PRR16: variants seen among roughly 807,000 people sequenced by gnomAD.
PRR16 encodes proline rich 16, also known as protein Largen.
In PRR16, 6 loss-of-function variants were observed where a neutral mutation model predicts 18.2. The observed-to-expected ratio is 0.33, with a 90% confidence interval of 0.18 to 0.65. The LOEUF (loss-of-function observed/expected upper bound fraction) is 0.65, where lower values mean the gene tolerates loss of function less well. PRR16 is among the 30% of genes least tolerant of loss of function. The probability of loss-of-function intolerance (pLI) is 0.74; values close to 1 mark genes in which losing one functional copy is unlikely to be tolerated. For missense variants in PRR16, 412 were observed against 376.6 expected (o/e 1.09, Z -0.78); for synonymous variants, 151 against 147.8 (o/e 1.02, Z -0.16).
the PRR16 span, among the ~76,000 whole-genome samples, chr5:120,694,647 T>G: frequency 6.8e-6 from 1 of 146,466 alleles, no homozygotes; most frequent in African/African-American, 2.5e-5. Context: ...ATTGCGCCAC[T>G]GCACTCCAGC....
chr5:120,618,296 TTGAA>T, intron 1 of PRR16: 1 of 181,568 alleles, frequency 5.5e-6, no homozygotes, highest in Middle Eastern at 2.7e-3. Flanking sequence ...AACACTCTAT[TTGAA>T]TGAATTCTCA....
chr5:120,754,884 G>A, the PRR16 span, among the ~76,000 whole-genome samples: 1 of 151,182 alleles, frequency 6.6e-6, no homozygotes, highest in East Asian at 1.9e-4. Context: ...GAGGTATAAG[G>A]AGAGTGAAAA....
intron 1 of PRR16, among the ~76,000 whole-genome samples, chr5:120,593,383 A>G (rs992807594): frequency 2.0e-5 from 3 of 152,070 alleles, no homozygotes; most frequent in Non-Finnish European, 4.4e-5. Context: ...CTCTATGTAC[A>G]CAAATTAGAA....
chr5:120,652,771 C>T (rs895188882), intron 1 of PRR16, among the ~76,000 whole-genome samples: 2 of 151,860 alleles, frequency 1.3e-5, no homozygotes, highest in Non-Finnish European at 2.9e-5. Flanking sequence ...TAGGTGAAGA[C>T]TGAGGCCATC....
At chr5:120,492,571 T>A (rs546460005) in intron 1 of PRR16, among the ~76,000 whole-genome samples, 1 of 152,306 alleles carries the variant, frequency 6.6e-6, no homozygotes, top group African/African-American at 2.4e-5. Context: ...TATGTTTTAC[T>A]TTTTAAAATT....
chr5:120,664,070 G>A (rs1255778982), intron 1 of PRR16, among the ~76,000 whole-genome samples: 5 of 151,990 alleles, frequency 3.3e-5, no homozygotes, highest in South Asian at 2.1e-4. Flanking sequence ...AGGCCGAGGC[G>A]GGCAGATCAC....
rs1757118977 is a variant in PRR16 at position 120,686,275 on chromosome 5, G to A, written c.481G>A (p.Gly161Ser). The A allele has an allele frequency of 5.0e-6, 8 of 1,614,096 alleles. No homozygotes were observed. Among genetic ancestry groups the A allele is most frequent in the Non-Finnish European group, 6.8e-6 (8 of 1,180,034 alleles). Reference protein sequence around the residue: ...GTLLRNGGLPGGPNKIPNGDI... With the variant: ...GTLLRNGGLPSGPNKIPNGDI... ...CCTTCTACGAAATGGAGGCTTACCA[G>A]GTGGACCTAACAAAATTCCAAATGG... is the stretch of plus-strand genomic sequence containing the variant. Residue 161 changes from glycine to serine, a missense_variant, in exon 2 of 2, where the codon GGT (glycine) becomes AGT (serine). Transcript: ENST00000407149.
intron 1 of PRR16, among the ~76,000 whole-genome samples, chr5:120,508,127 T>G (rs1370392394): frequency 1.3e-5 from 2 of 152,150 alleles, no homozygotes; most frequent in African/African-American, 4.8e-5. Flanking sequence ...CAGACTCAGC[T>G]GCACATACCT....
At chr5:120,792,900 C>T in the PRR16 span, among the ~76,000 whole-genome samples, 4 of 150,510 alleles carry the variant, frequency 2.7e-5, no homozygotes, top group South Asian at 2.1e-4. Context: ...GCCTGTTAAT[C>T]CAGAACTTCG....
chr5:120,474,311 T>C (rs1749367481), intron 1 of PRR16, among the ~76,000 whole-genome samples: 1 of 152,090 alleles, frequency 6.6e-6, no homozygotes, highest in Non-Finnish European at 1.5e-5. Flanking sequence ...GTCCTGTGCA[T>C]TGTAGGATGG....
chr5:120,731,136 T>A, the PRR16 span, among the ~76,000 whole-genome samples: 1 of 152,146 alleles, frequency 6.6e-6, no homozygotes, highest in Non-Finnish European at 1.5e-5. Context: ...TGTCAACAGA[T>A]CTCAGAATCT....
At chr5:120,664,742 A>T (rs1030539774) in intron 1 of PRR16, among the ~76,000 whole-genome samples, 5 of 148,832 alleles carry the variant, frequency 3.4e-5, no homozygotes, top group African/African-American at 1.2e-4. Flanking sequence ...TTTACTGAGA[A>T]TGATGATTTC....
the PRR16 span, among the ~76,000 whole-genome samples, chr5:120,706,863 AG>A: frequency 2.0e-5 from 3 of 152,158 alleles, no homozygotes; most frequent in Non-Finnish European, 4.4e-5. Context: ...TGTGGGAAGG[AG>A]GTTGGTCAAT....
At chr5:120,492,036 C>T (rs931064053) in intron 1 of PRR16, among the ~76,000 whole-genome samples, 8 of 151,272 alleles carry the variant, frequency 5.3e-5, no homozygotes, top group African/African-American at 1.9e-4. Context: ...AGGGTTTGTA[C>T]ATTATAGTGT....
At chr5:120,486,067 G>C (rs1227085043) in intron 1 of PRR16, among the ~76,000 whole-genome samples, 2 of 152,040 alleles carry the variant, frequency 1.3e-5, no homozygotes, top group Non-Finnish European at 2.9e-5. Context: ...CATTTGGGTT[G>C]GTTCCAAGTC....
intron 1 of PRR16, among the ~76,000 whole-genome samples, chr5:120,590,064 G>A (rs1445341963): frequency 1.3e-5 from 2 of 151,934 alleles, no homozygotes; most frequent in Non-Finnish European, 2.9e-5. Context: ...TAGGTTTTTT[G>A]TTTCATTTAC....
intron 1 of PRR16, among the ~76,000 whole-genome samples, chr5:120,602,539 A>G (rs1056508697): frequency 6.6e-6 from 1 of 152,048 alleles, no homozygotes; most frequent in African/African-American, 2.4e-5. Context: ...CTCTTTTCCT[A>G]TTTGAAAGCC....
At chr5:120,740,954 G>T in the PRR16 span, among the ~76,000 whole-genome samples, 1 of 151,604 alleles carries the variant, frequency 6.6e-6, no homozygotes, top group African/African-American at 2.4e-5. Context: ...CAAAAATTAA[G>T]AGCACAATTA....
intron 1 of PRR16, among the ~76,000 whole-genome samples, chr5:120,609,966 C>A (rs1202201699): frequency 6.6e-6 from 1 of 152,172 alleles, no homozygotes; most frequent in African/African-American, 2.4e-5. Flanking sequence ...TCCTGCTCTG[C>A]CTACATTTCA....
Sources: gnomAD v4.1 joint callset for allele counts (sites outside exome capture counted in the v4.1 genomes callset) on GRCh38, gnomAD v4.1.1 for gene constraint, MANE v1.5 for transcripts, NCBI Gene and HGNC (gene_info 2026-07-23, HGNC 2026-07-21) for gene names.